Variants in ARHGAP39 observed in about 807,000 individuals in gnomAD.
The protein encoded by ARHGAP39 is rho GTPase-activating protein 39.
ARHGAP39 carries 44 observed loss-of-function variants against 106.9 expected under a neutral mutation model. The observed-to-expected ratio is 0.41, with a 90% CI of 0.32 to 0.53. The LOEUF is 0.53. Among genes scored for constraint, ARHGAP39 ranks in the 20% least tolerant of loss-of-function variants. The probability of loss-of-function intolerance (pLI) is 0.21; values close to 1 mark genes in which losing one functional copy is unlikely to be tolerated. For missense variants in ARHGAP39, 1,496 were observed against 1,577.3 expected, an observed-to-expected ratio of 0.95 and a Z score of 0.87; for synonymous variants, 768 against 693.2, an observed-to-expected ratio of 1.11 and a Z score of -1.69.
At chr8:144,577,752 A>C (rs1361984429) in intron 3 of ARHGAP39, among the ~76,000 whole-genome samples, 2 of 152,248 alleles carry the variant, frequency 1.3e-5, no homozygotes, top group African/African-American at 4.8e-5. Context: ...GAAACAAACA[A>C]ACAAAAAATT....
At chr8:144,558,482 G>A (rs1422578115) in intron 3 of ARHGAP39, among the ~76,000 whole-genome samples, 1 of 151,964 alleles carries the variant, frequency 6.6e-6, no homozygotes, top group East Asian at 1.9e-4. Context: ...TATTAGAGAC[G>A]GGGTTTTGCC....
At chr8:144,665,051 C>G (rs1019992329) in intron 1 of ARHGAP39, among the ~76,000 whole-genome samples, 1 of 152,098 alleles carries the variant, frequency 6.6e-6, no homozygotes, top group African/African-American at 2.4e-5. Flanking sequence ...GATAGTGATA[C>G]GAATAAGGTC....
At chr8:144,619,638 G>A (rs1820735594) in intron 1 of ARHGAP39, among the ~76,000 whole-genome samples, 1 of 150,230 alleles carries the variant, frequency 6.7e-6, no homozygotes, top group Non-Finnish European at 1.5e-5. Flanking sequence ...GTGTCCAAGA[G>A]CGTGTGTCCG....
At position 144,537,823 on chromosome 8, in the gene ARHGAP39, A is replaced by G. The variant is rs1278084053; in HGVS notation, c.2522-10T>C. 2 of 1,612,932 alleles carry G rather than the reference A, an allele frequency of 1.2e-6. No individual in the cohort carries two copies. Among genetic ancestry groups the G allele is most frequent in the Non-Finnish European group, 1.7e-6 (2 of 1,179,146 alleles). On this transcript the variant is annotated splice_polypyrimidine_tract_variant and intron_variant, in intron 6 of 11. Coordinates refer to ENST00000377307, the MANE Select transcript of ARHGAP39 (RefSeq NM_025251.3). ...TTTATGTGCTGTGTCACTGGGGAGC[A>G]AAGACAACCATCAGCACGACAGAAC... is the stretch of plus-strand genomic sequence containing the variant.
At chr8:144,583,678 C>G (rs1235311462) in intron 2 of ARHGAP39, among the ~76,000 whole-genome samples, 1 of 152,236 alleles carries the variant, frequency 6.6e-6, no homozygotes, top group African/African-American at 2.4e-5. Context: ...TTCTGAGAGT[C>G]ACACGATCAA....
intron 1 of ARHGAP39, among the ~76,000 whole-genome samples, chr8:144,637,850 G>A (rs1302691921): frequency 6.6e-6 from 1 of 150,934 alleles, no homozygotes; most frequent in African/African-American, 2.4e-5. Context: ...ACCCACACAT[G>A]GATATTTTTC....
intron 1 of ARHGAP39, among the ~76,000 whole-genome samples, 186 bp downstream of exon 1, chr8:144,685,500 G>A (rs1189359746): frequency 1.0e-5 from 1 of 99,858 alleles, no homozygotes; most frequent in African/African-American, 3.8e-5. Context: ...GCACACCCAC[G>A]CCCCCTCCCT....
intron 3 of ARHGAP39, among the ~76,000 whole-genome samples, chr8:144,579,603 C>T (rs999732566): frequency 6.6e-6 from 1 of 152,164 alleles, no homozygotes; most frequent in Non-Finnish European, 1.5e-5. Flanking sequence ...TTCATCCTGC[C>T]AGACCGGGTC....
chr8:144,609,523 TC>T (rs1413712553), intron 1 of ARHGAP39, among the ~76,000 whole-genome samples: 2 of 147,262 alleles, frequency 1.4e-5, no homozygotes, highest in South Asian at 4.6e-4. Flanking sequence ...TGCCTCAGCC[TC>T]CCAAGTAGGT....
intron 7 of ARHGAP39, among the ~76,000 whole-genome samples, chr8:144,536,366 T>C (rs1191950539): frequency 6.6e-6 from 1 of 152,050 alleles, no homozygotes; most frequent in Non-Finnish European, 1.5e-5. Context: ...CTCCTGATGT[T>C]GACCCTGCTC....
At chr8:144,650,367 T>C (rs975353146) in intron 1 of ARHGAP39, among the ~76,000 whole-genome samples, 2 of 152,050 alleles carry the variant, frequency 1.3e-5, no homozygotes, top group Non-Finnish European at 2.9e-5. Flanking sequence ...TTCCAAAAAA[T>C]TGAGGAGGAG....
the ARHGAP39 span, among the ~76,000 whole-genome samples, chr8:144,695,133 T>G: frequency 2.7e-5 from 2 of 74,086 alleles, no homozygotes; most frequent in Non-Finnish European, 5.6e-5. Context: ...GAAGTGCAGT[T>G]GCGCTATCTC....
At chr8:144,601,123 T>TGC (rs1819899663) in intron 2 of ARHGAP39, among the ~76,000 whole-genome samples, 2 of 145,698 alleles carry the variant, frequency 1.4e-5, no homozygotes, top group Admixed American at 1.4e-4. Flanking sequence ...TACCTGTGTG[T>TGC]GCATGGAGGC....
At chr8:144,651,006 C>T (rs1026839921) in intron 1 of ARHGAP39, among the ~76,000 whole-genome samples, 10 of 152,182 alleles carry the variant, frequency 6.6e-5, no homozygotes, top group Non-Finnish European at 1.3e-4. Flanking sequence ...ACCCCATCGT[C>T]TCAGCCCAAA....
intron 7 of ARHGAP39, among the ~76,000 whole-genome samples, chr8:144,535,714 C>G (rs1320252298): frequency 3.3e-5 from 5 of 152,226 alleles, no homozygotes; most frequent in African/African-American, 1.2e-4. Context: ...GACAAACACC[C>G]CAGCCTGAGC....
At chr8:144,546,266 C>T (rs946371933) in intron 5 of ARHGAP39, among the ~76,000 whole-genome samples, 1 of 152,214 alleles carries the variant, frequency 6.6e-6, no homozygotes, top group Non-Finnish European at 1.5e-5. Flanking sequence ...CCAGCCTTCA[C>T]CCCAGGCCGA....
At chr8:144,531,099 T>C (rs1816691940) in intron 10 of ARHGAP39, among the ~76,000 whole-genome samples, 2 of 152,102 alleles carry the variant, frequency 1.3e-5, no homozygotes, top group Admixed American at 1.3e-4. Context: ...GCCAGCAGAG[T>C]TGTGCAAAAC....
At chr8:144,602,441 TTGTGCGTGCGAGCTCGTGTACC>T (rs1820048074) in intron 2 of ARHGAP39, among the ~76,000 whole-genome samples, 1 of 63,178 alleles carries the variant, frequency 1.6e-5, no homozygotes, top group African/African-American at 6.4e-5. Flanking sequence ...GTGCATGGAG[TTGTGCGTGCGAGCTCGTGTACC>T]TGTGCATGTG....
intron 3 of ARHGAP39, among the ~76,000 whole-genome samples, chr8:144,570,103 C>T (rs772761892): frequency 1.6e-4 from 25 of 152,196 alleles, no homozygotes; most frequent in Non-Finnish European, 3.5e-4. Context: ...TGCCTGTAAT[C>T]CCAGCTACTC....
Sources: gnomAD v4.1 joint callset for allele counts (sites outside exome capture counted in the v4.1 genomes callset) on GRCh38, gnomAD v4.1.1 for gene constraint, MANE v1.5 for transcripts, NCBI Gene and HGNC (gene_info 2026-07-23, HGNC 2026-07-21) for gene names.